Variants in MAP2K4 observed in about 807,000 individuals in gnomAD.
MAP2K4 encodes dual specificity mitogen-activated protein kinase kinase 4.
In MAP2K4, 4 loss-of-function variants were observed where a neutral mutation model predicts 48.5. That is an observed-to-expected ratio of 0.08 (90% confidence interval 0.04 to 0.19). The LOEUF (loss-of-function observed/expected upper bound fraction) is 0.19, where lower values mean the gene tolerates loss of function less well. Ranked by LOEUF, MAP2K4 falls within the 10% of genes least tolerant of loss-of-function variation. The probability of loss-of-function intolerance (pLI) is 1.00; values close to 1 mark genes in which losing one functional copy is unlikely to be tolerated. For missense variants in MAP2K4, 258 were observed against 493.3 expected (o/e 0.52, Z 4.52); for synonymous variants, 166 against 173.1 (o/e 0.96, Z 0.32).
intron 9 of MAP2K4, among the ~76,000 whole-genome samples, chr17:12,136,365 C>T (rs557433805): frequency 6.6e-6 from 1 of 152,130 alleles, no homozygotes; most frequent in South Asian, 2.1e-4. Context: ...AATAGAACTT[C>T]TAGAAATAAA....
chr17:12,021,651 T>C (rs1483227344), intron 1 of MAP2K4: 1 of 146,256 alleles, frequency 6.8e-6, no homozygotes, highest in Admixed American at 7.0e-5. Context: ...CTGTGCCACC[T>C]GTAAGGTAGG....
At chr17:12,114,387 GGTGTGTGTGT>G (rs61666948) in intron 7 of MAP2K4, among the ~76,000 whole-genome samples, 1 of 149,152 alleles carries the variant, frequency 6.7e-6, no homozygotes, top group Non-Finnish European at 1.5e-5. Context: ...ATGTAAAAGC[GGTGTGTGTGT>G]GTGTGTGTGT....
intron 1 of MAP2K4, among the ~76,000 whole-genome samples, chr17:12,029,448 A>G (rs1969362445): frequency 6.6e-6 from 1 of 152,212 alleles, no homozygotes; most frequent in South Asian, 2.1e-4. Context: ...TGGGGAAAAT[A>G]TAAATGGAGG....
chr17:12,140,690 C>T (rs1030897446), intron 10 of MAP2K4, among the ~76,000 whole-genome samples: 1 of 152,012 alleles, frequency 6.6e-6, no homozygotes, highest in Non-Finnish European at 1.5e-5. Context: ...AAAAGGATTG[C>T]GACCTTTTTG....
intron 2 of MAP2K4, among the ~76,000 whole-genome samples, chr17:12,080,406 TGAGA>T (rs1427020591): frequency 2.0e-5 from 3 of 152,292 alleles, no homozygotes; most frequent in African/African-American, 4.8e-5. Flanking sequence ...GGTGTGTGTG[TGAGA>T]GAGAGCAAGA....
At chr17:12,125,241 C>G (rs1972818177) in intron 7 of MAP2K4, 53 bp from the exon 8 acceptor site, 1 of 1,363,304 alleles carries the variant, frequency 7.3e-7, no homozygotes, top group Non-Finnish European at 1.1e-6. Flanking sequence ...TTCCATTTGC[C>G]TATTCCTTGA....
intron 3 of MAP2K4, among the ~76,000 whole-genome samples, chr17:12,089,747 T>C (rs1971502593): frequency 6.6e-6 from 1 of 152,216 alleles, no homozygotes; most frequent in Non-Finnish European, 1.5e-5. Flanking sequence ...TGTGAGAATT[T>C]AGAGATCTGC....
At chr17:12,063,444 A>C (rs570772170) in intron 2 of MAP2K4, among the ~76,000 whole-genome samples, 1 of 152,348 alleles carries the variant, frequency 6.6e-6, no homozygotes, top group East Asian at 1.9e-4. Context: ...AAGGTTTGAA[A>C]GGATAAATTT....
intron 1 of MAP2K4, among the ~76,000 whole-genome samples, 193 bp from the exon 2 acceptor site, chr17:12,054,696 G>A (rs1970235792): frequency 6.6e-6 from 1 of 152,086 alleles, no homozygotes; most frequent in South Asian, 2.1e-4. Flanking sequence ...ATGATTTGTA[G>A]TTAGTAACAA....
intron 7 of MAP2K4, among the ~76,000 whole-genome samples, chr17:12,118,654 A>T (rs1253579659): frequency 6.6e-6 from 1 of 152,246 alleles, no homozygotes. Flanking sequence ...TAATTCAGCC[A>T]TGTGACCAGG....
chr17:12,132,422 A>G (rs903789755), intron 9 of MAP2K4, among the ~76,000 whole-genome samples: 4 of 152,230 alleles, frequency 2.6e-5, no homozygotes, highest in African/African-American at 4.8e-5. Context: ...TCACTCAGCA[A>G]CTTCAGTAAA....
intron 3 of MAP2K4, among the ~76,000 whole-genome samples, chr17:12,085,159 A>T (rs1330389097): frequency 6.6e-6 from 1 of 152,128 alleles, no homozygotes; most frequent in African/African-American, 2.4e-5. Flanking sequence ...TGTTTGTAGA[A>T]TATGTGCGAA....
At chr17:12,064,314 T>C (rs1432338163) in intron 2 of MAP2K4, among the ~76,000 whole-genome samples, 1 of 152,112 alleles carries the variant, frequency 6.6e-6, no homozygotes, top group Non-Finnish European at 1.5e-5. Context: ...TGAACTCTCC[T>C]TAAGTGATCC....
chr17:12,046,867 CG>C (rs1567631683), intron 1 of MAP2K4, among the ~76,000 whole-genome samples: 1 of 151,890 alleles, frequency 6.6e-6, no homozygotes, highest in East Asian at 1.9e-4. Context: ...AGCTTGGAAG[CG>C]AGTTTTGGGC....
At chr17:12,104,011 A>T (rs1436171982) in intron 4 of MAP2K4, among the ~76,000 whole-genome samples, 3 of 152,188 alleles carry the variant, frequency 2.0e-5, no homozygotes, top group African/African-American at 7.2e-5. Flanking sequence ...AACTTAGGTT[A>T]CAGATTATTT....
intron 2 of MAP2K4, among the ~76,000 whole-genome samples, chr17:12,076,279 CTGTGTGTGTGTGTGTGTGTGTG>C (rs372806903): frequency 7.4e-6 from 1 of 135,170 alleles, no homozygotes. Flanking sequence ...TGTCACAGTT[CTGTGTGTGTGTGTGTGTGTGTG>C]TGTGTGTGTG....
chr17:12,027,328 G>A (rs1488785898), intron 1 of MAP2K4, among the ~76,000 whole-genome samples: 1 of 152,096 alleles, frequency 6.6e-6, no homozygotes, highest in Non-Finnish European at 1.5e-5. Flanking sequence ...GGTTCTTTAA[G>A]AACAACACAT....
At chr17:12,114,546 A>G (rs563619713) in intron 7 of MAP2K4, among the ~76,000 whole-genome samples, 11 of 152,280 alleles carry the variant, frequency 7.2e-5, no homozygotes, top group African/African-American at 2.6e-4. Flanking sequence ...AAATGGCACA[A>G]TAGTTTCAAA....
chr17:12,115,415 C>A, intron 7 of MAP2K4: 1 of 441,498 alleles, frequency 2.3e-6, no homozygotes, highest in East Asian at 5.5e-5. Context: ...GACTACAAGC[C>A]TATACAGCAT....
Sources: allele counts gnomAD v4.1 joint callset (sites outside exome capture counted in the v4.1 genomes callset), GRCh38; gene constraint gnomAD v4.1.1; transcripts MANE v1.5; gene names NCBI Gene and HGNC (gene_info 2026-07-23, HGNC 2026-07-21).